The following CCDC136 variants were observed in gnomAD, a reference collection of about 807,000 sequenced individuals.
CCDC136 encodes coiled-coil domain-containing protein 136.
CCDC136 carries 100 observed loss-of-function variants against 141.2 expected under a neutral mutation model. The ratio of observed to expected loss-of-function variants is 0.71; its 90% CI spans 0.60 to 0.84. The LOEUF (loss-of-function observed/expected upper bound fraction) is 0.84, where lower values mean the gene tolerates loss of function less well. CCDC136 is among the 40% of genes least tolerant of loss of function. The probability of loss-of-function intolerance (pLI) is 0.00; values close to 1 mark genes in which losing one functional copy is unlikely to be tolerated. For missense variants in CCDC136, 1,206 were observed against 1,379.4 expected (o/e 0.87, Z 1.99); for synonymous variants, 474 against 531.9 (o/e 0.89, Z 1.50).
At chr7:128,796,739 A>ATATATTTTTTTT in intron 3 of CCDC136, among the ~76,000 whole-genome samples, 1 of 113,368 alleles carries the variant, frequency 8.8e-6, no homozygotes, top group Admixed American at 8.4e-5. Context: ...ATATATATAT[A>ATATATTTTTTTT]TTCTTTTTTT....
At chr7:128,813,597 C>G (rs1413052338) in intron 14 of CCDC136, among the ~76,000 whole-genome samples, 2 of 152,140 alleles carry the variant, frequency 1.3e-5, no homozygotes, top group Admixed American at 1.3e-4. Context: ...GGTGCAGGAG[C>G]CCAGTACACA....
intron 1 of CCDC136, 118 bp downstream of exon 1, chr7:128,792,545 T>C: frequency 7.0e-6 from 5 of 714,018 alleles, no homozygotes; most frequent in Non-Finnish European, 1.1e-5. Flanking sequence ...CAGTTCATCT[T>C]AGCCCCTCTT....
intron 4 of CCDC136, among the ~76,000 whole-genome samples, chr7:128,804,259 G>A (rs1435734103): frequency 6.6e-6 from 1 of 152,142 alleles, no homozygotes; most frequent in Admixed American, 6.5e-5. Context: ...AAGCATAATT[G>A]GAAGGTAATC....
chr7:128,810,204 G>A lies in CCDC136; in HGVS notation c.1866G>A (p.Gln622=). The change falls in exon 12 of 18, where the codon CAG becomes CAA. Residue 622 remains glutamine (Q), a synonymous_variant. Coordinates refer to ENST00000297788, the MANE Select transcript of CCDC136 (RefSeq NM_022742.5). The stretch of plus-strand genomic sequence containing the variant: ...TGCAGCTGCTCTACCAAGGCATGCA[G>A]GAGGAACAGAAGAAGCTGATACAGA... ...CELQLLYQGM[Q]EEQKKLIQNQ... 1 of 1,610,540 alleles carries A rather than the reference G, an allele frequency of 6.2e-7. No homozygotes were observed. Among genetic ancestry groups the A allele is most frequent in the Non-Finnish European group, 8.5e-7 (1 of 1,178,322 alleles).
Position 128,812,784 on chromosome 7 carries a change from AACACAG to A in CCDC136, c.2619_2624del (p.Glu873_Ser875delinsAsp). On this transcript the variant is annotated inframe_deletion, in exon 14 of 18. Transcript: ENST00000297788. ...GCCATGTACCAGATAAGCCAGGAGG[AACACAG>A]CCAGCTGCAAGAGCAGATGGAAAAG... is the stretch of plus-strand genomic sequence containing the variant. 1 of 1,613,572 alleles carries A rather than the reference AACACAG, an allele frequency of 6.2e-7. No individual in the cohort carries two copies. The highest frequency in any genetic ancestry group is 1.1e-5 in the South Asian group (1 of 91,028).
intron 3 of CCDC136, among the ~76,000 whole-genome samples, chr7:128,800,235 T>C (rs908589987): frequency 1.3e-5 from 2 of 152,224 alleles, no homozygotes; most frequent in Middle Eastern, 3.2e-3. Flanking sequence ...GATCTGATAC[T>C]TTCTTTTAAA....
chr7:128,800,271 A>G (rs578160971), intron 3 of CCDC136, among the ~76,000 whole-genome samples: 1 of 152,190 alleles, frequency 6.6e-6, no homozygotes, highest in Admixed American at 6.5e-5. Context: ...CTATTTAACT[A>G]TCATCAGTTT....
At chr7:128,808,716 A>G (rs1050117371) in intron 10 of CCDC136, 1 of 985,296 alleles carries the variant, frequency 1.0e-6, no homozygotes, top group African/African-American at 1.7e-5. Context: ...TTCTATATCC[A>G]GGCTCACGTT....
intron 3 of CCDC136, among the ~76,000 whole-genome samples, chr7:128,796,763 A>G (rs2128896207): frequency 8.6e-6 from 1 of 116,082 alleles, no homozygotes; most frequent in South Asian, 2.7e-4. Context: ...TTTTTTTGAG[A>G]CGGAGTCTCG....
chr7:128,805,679 C>A lies in CCDC136; in HGVS notation c.949-82C>A. The A allele has an allele frequency of 6.3e-7, 1 of 1,576,426 alleles. No individual in the cohort carries two copies. The highest frequency in any genetic ancestry group is 8.7e-7 in the Non-Finnish European group (1 of 1,154,506). On this transcript the variant is annotated intron_variant, in intron 6 of 17. Coordinates refer to ENST00000297788, the MANE Select transcript of CCDC136 (RefSeq NM_022742.5). This position sits in a 1 kb window ranked among gnomAD's most constrained non-coding sequence, Gnocchi z 4.6. ...TGATGTAAATCTTCCAGTCAAAGAG[C>A]GCCATGCTTTCCCCAAGCTTGTTCT...
At chr7:128,803,385 T>C (rs1223492930) in intron 4 of CCDC136, among the ~76,000 whole-genome samples, 1 of 152,226 alleles carries the variant, frequency 6.6e-6, no homozygotes, top group Non-Finnish European at 1.5e-5. Flanking sequence ...GCATGGTGAC[T>C]CATGCCTGTA....
chr7:128,806,301 A>G lies in CCDC136; in HGVS notation c.1154A>G (p.Gln385Arg). 1.9e-6 allele frequency: 3 copies of G among 1,589,000 alleles called. No individual in the cohort carries two copies. Among genetic ancestry groups the G allele is most frequent in the Non-Finnish European group, 2.6e-6 (3 of 1,167,594 alleles). ...QKKYDTSQDE[Q>R]NELLKMQLQL... ...AAATATGATACTAGCCAGGATGAGC[A>G]GAACGAGCTCTTGAAGATGCAGCTG... Residue 385 changes from glutamine (Q) to arginine (R), a missense_variant, in exon 8 of 18, where the codon CAG becomes CGG. Coordinates refer to ENST00000297788, the MANE Select transcript of CCDC136 (RefSeq NM_022742.5).
chr7:128,809,432 ACCCGCC>A lies in CCDC136; in HGVS notation c.1606-14_1606-9del. The stretch of plus-strand genomic sequence containing the variant: ...CTTACAGAGTAACCACCCCCTCCAC[ACCCGCC>A]CCCACCCACAGTGTGACACACTGCT... On this transcript the variant is annotated splice_polypyrimidine_tract_variant and intron_variant, in intron 10 of 17. Coordinates refer to ENST00000297788, the MANE Select transcript of CCDC136 (RefSeq NM_022742.5). 1 of 1,253,154 alleles carries A rather than the reference ACCCGCC, an allele frequency of 8.0e-7. No homozygotes were observed. The highest frequency in any genetic ancestry group is 1.1e-6 in the Non-Finnish European group (1 of 898,194). 77.6% of individuals were successfully genotyped at this position (1,253,154 alleles called of 1,614,324 possible). A position where few individuals can be genotyped will look rare whatever the true frequency, so the allele number is the denominator to read the frequency against.
chr7:128,811,698 C>T (rs1339903672), intron 12 of CCDC136, 102 bp from the exon 13 acceptor site: 3 of 1,078,818 alleles, frequency 2.8e-6, no homozygotes, highest in Non-Finnish European at 4.0e-6. Context: ...GTAGGTGTGC[C>T]ATTCTCTAAG....
In CCDC136 at chr7:128,806,360, A is replaced by G. The variant is rs947675726; in HGVS notation, c.1213A>G (p.Met405Val). Residue 405 changes from methionine to valine, a missense_variant, in exon 8 of 18, where the codon ATG becomes GTG. Transcript: ENST00000297788. ...LQTELRQLKVMKSTLVENQSE... is the reference protein window; with the variant it reads ...LQTELRQLKVVKSTLVENQSE... ...GACTGAGCTCCGGCAGCTCAAAGTC[A>G]TGAAATCCACACTTGTAGAAAACCA... is the stretch of plus-strand genomic sequence containing the variant. 3.7e-6 allele frequency: 6 copies of G among 1,605,320 alleles called. No individual in the cohort carries two copies. The East Asian group carries it at 6.7e-5, about 18-fold the overall frequency.
In CCDC136 at chr7:128,805,300, T is replaced by C. The variant is rs1585085278; in HGVS notation, c.783-59T>C. 2 of 1,515,428 alleles carry C rather than the reference T, an allele frequency of 1.3e-6. No homozygotes were observed. Among genetic ancestry groups the C allele is most frequent in the South Asian group, 1.1e-5 (1 of 87,708 alleles). The allele number at this position is 1,515,428 out of a possible 1,614,324, so 93.9% of individuals were successfully genotyped here. A position where few individuals can be genotyped will look rare whatever the true frequency, so the allele number is the denominator to read the frequency against. ...TGAAGGTATCAGGACAAAGCCTGCA[T>C]GGCTGGTGATGCCAGGCAGAACTCC... On this transcript the variant is annotated intron_variant, in intron 5 of 17. Transcript: ENST00000297788. The surrounding 1 kb of genome is among the most constrained non-coding windows in gnomAD (Gnocchi z 4.6).
chr7:128,791,305 G>A (rs1585036532), upstream of CCDC136: 32 of 352,238 alleles, frequency 9.1e-5, no homozygotes, highest in East Asian at 1.4e-3. This position sits in a 1 kb window ranked among gnomAD's most constrained non-coding sequence, Gnocchi z 7.1. Flanking sequence ...CCCCTGCACG[G>A]GCTCGGAGCT....
rs1336900444 is a variant in CCDC136, at chr7:128,811,857, C to T, written c.2086C>T (p.Gln696Ter). 3.1e-6 allele frequency: 5 copies of T among 1,610,054 alleles called. No homozygotes were observed. Among genetic ancestry groups the T allele is most frequent in the South Asian group, 2.2e-5 (2 of 90,598 alleles). The change falls in exon 13 of 18, where the codon CAG becomes TAG. Residue 696 changes from glutamine to a stop codon, truncating the protein, a stop_gained. Coordinates refer to ENST00000297788, the MANE Select transcript of CCDC136 (RefSeq NM_022742.5). LOFTEE classifies it high-confidence loss of function. ...QALQVMYDAGQAKQELLQQEQ... is the reference protein window; with the variant it reads ...QALQVMYDAG ...CCTGCAGGTGATGTATGACGCCGGT[C>T]AGGCGAAGCAGGAGCTCTTGCAGCA...
intron 15 of CCDC136, 66 bp downstream of exon 15, chr7:128,814,985 C>A: frequency 7.7e-7 from 1 of 1,305,678 alleles, no homozygotes; most frequent in Non-Finnish European, 1.0e-6. Context: ...GAAGCATTGC[C>A]TCCACAACCC....
Sources: gnomAD v4.1 joint callset for allele counts (sites outside exome capture counted in the v4.1 genomes callset) on GRCh38, gnomAD v4.1.1 for gene constraint, Gnocchi (gnomAD v3.1) non-coding constraint, MANE v1.5 for transcripts, NCBI Gene and HGNC (gene_info 2026-07-23, HGNC 2026-07-21) for gene names.